Variants in BMP8B observed in about 807,000 individuals in gnomAD.
The protein encoded by BMP8B is bone morphogenetic protein 8b.
In BMP8B, 17 loss-of-function variants were observed where a neutral mutation model predicts 30.3. The ratio of observed to expected loss-of-function variants is 0.56; its 90% confidence interval spans 0.38 to 0.84. The LOEUF (loss-of-function observed/expected upper bound fraction) is 0.84, where lower values mean the gene tolerates loss of function less well. BMP8B is among the 40% of genes least tolerant of loss of function. BMP8B has a pLI of 0.00. For missense variants in BMP8B, 253 were observed against 494.6 expected, an observed-to-expected ratio of 0.51 and a Z score of 4.63; for synonymous variants, 131 against 214.7, an observed-to-expected ratio of 0.61 and a Z score of 3.41.
At chr1:39,783,164 A>G (rs1650768499) in intron 1 of BMP8B, among the ~76,000 whole-genome samples, 2 of 152,194 alleles carry the variant, frequency 1.3e-5, no homozygotes, top group Admixed American at 6.5e-5. Context: ...TAGACTCAGA[A>G]TTGAAAGCCA....
chr1:39,782,710 C>T (rs1275144150), intron 1 of BMP8B, among the ~76,000 whole-genome samples: 4 of 151,934 alleles, frequency 2.6e-5, no homozygotes, highest in East Asian at 3.9e-4. Context: ...TCAGGTGATC[C>T]GCCCCCGCTT....
chr1:39,779,941 AG>A (rs11288385), intron 1 of BMP8B, among the ~76,000 whole-genome samples: 53,666 of 152,074 alleles, frequency 0.35, 10,703 homozygotes, highest in African/African-American at 0.55. Context: ...GTCACAGTCA[AG>A]CTGTCAGCTA....
rs1215153113 is a variant in BMP8B at position 39,788,433 on chromosome 1, A to C, written c.53T>G (p.Leu18Arg). The part of the protein sequence containing the change: ...LWLLGLALCA[L>R]GGGGPGLRPP... ...TCGCAGGCCGGGGCCGCCCCCGCCC[A>C]GCGCGCATAGCGCCAGGCCCAGGAG... The change falls in exon 1 of 7, where the codon CTG (leucine) becomes CGG (arginine). Residue 18 changes from leucine to arginine, a missense_variant. By Grantham distance (102) the Leu-to-Arg change is moderately radical (BLOSUM62 -2). Around this residue, in one of 7 missense-constraint regions of BMP8B, gnomAD observed 54 missense variants for 70.8 expected, o/e 0.76. Transcript: ENST00000372827. The surrounding 1 kb of genome is among the most constrained non-coding windows in gnomAD (Gnocchi z 5.8). The C allele has an allele frequency of 4.8e-6, 5 of 1,036,032 alleles. No individual in the cohort carries two copies. The highest frequency in any genetic ancestry group is 5.8e-6 in the Non-Finnish European group (5 of 864,490). The allele number at this position is 1,036,032 out of a possible 1,614,324, so 64.2% of individuals were successfully genotyped here.
At chr1:39,771,164 C>A in intron 3 of BMP8B, 1 of 1,549,264 alleles carries the variant, frequency 6.5e-7, no homozygotes, top group Non-Finnish European at 8.8e-7. Context: ...GGTGGCAAAG[C>A]AGCGGGCGCA....
chr1:39,788,732 C>A lies in BMP8B; in HGVS notation c.-247G>T, dbSNP rs1329982988. On this transcript the variant is annotated 5_prime_UTR_variant, in exon 1 of 7. Transcript: ENST00000372827. This position sits in a 1 kb window ranked among gnomAD's most constrained non-coding sequence, Gnocchi z 5.8. ...CCGCCTCGAGGCCGGGGCTACTCTG[C>A]GGACTGGGACTCTCGGCCAATCCGT... The A allele has an allele frequency of 1.1e-5, 2 of 177,018 alleles. No homozygotes were observed. Among genetic ancestry groups the A allele is most frequent in the Non-Finnish European group, 2.2e-5 (2 of 90,986 alleles). The allele number at this position is 177,018 out of a possible 1,614,324, so 11.0% of individuals were successfully genotyped here.
At chr1:39,777,164 T>C (rs778126347) in intron 1 of BMP8B, among the ~76,000 whole-genome samples, 26 of 152,188 alleles carry the variant, frequency 1.7e-4, no homozygotes, top group Non-Finnish European at 3.1e-4. Context: ...CAAAGATGTA[T>C]TGGCAAAAAT....
At chr1:39,785,850 G>T (rs1237642744) in intron 1 of BMP8B, among the ~76,000 whole-genome samples, 4 of 152,160 alleles carry the variant, frequency 2.6e-5, no homozygotes, top group African/African-American at 4.8e-5. Flanking sequence ...ACCAGTTAAA[G>T]CTACTCTAAC....
chr1:39,760,660 C>T, intron 6 of BMP8B, 92 bp from the exon 7 acceptor site: 1 of 1,474,720 alleles, frequency 6.8e-7, no homozygotes. Flanking sequence ...CTGCTCCCTG[C>T]CCTGGCCATC....
intron 3 of BMP8B, among the ~76,000 whole-genome samples, chr1:39,768,051 G>C (rs1229487559): frequency 1.3e-5 from 2 of 151,134 alleles, no homozygotes; most frequent in East Asian, 4.0e-4. Flanking sequence ...GGCCAGGCTT[G>C]GTTGTCAACA....
In BMP8B at chr1:39,763,540, A is replaced by C. The variant is rs556263969; in HGVS notation, c.948+172T>G. Reference sequence around the variant, plus strand: ...TTTTAAAAAAAACAAAAAACTGAACAAAAAAAAAACCCTTTCTCACCATAT... The same window carrying C: ...TTTTAAAAAAAACAAAAAACTGAACCAAAAAAAAACCCTTTCTCACCATAT... On this transcript the variant is annotated intron_variant, in intron 5 of 6. Coordinates refer to ENST00000372827, the MANE Select transcript of BMP8B (RefSeq NM_001720.5). The C allele has an allele frequency of 1.6e-4, 149 of 926,264 alleles. 6 individuals are homozygous for C. The highest frequency in any genetic ancestry group is 1.2e-3 in the East Asian group (40 of 32,034). 57.4% of individuals were successfully genotyped at this position (926,264 alleles called of 1,614,324 possible).
intron 1 of BMP8B, among the ~76,000 whole-genome samples, chr1:39,776,596 C>G (rs959851730): frequency 6.6e-6 from 1 of 152,164 alleles, no homozygotes; most frequent in Non-Finnish European, 1.5e-5. Flanking sequence ...GGGATGGGGC[C>G]AGACGTGTGT....
chr1:39,763,272 C>T, intron 5 of BMP8B, 70 bp from the exon 6 acceptor site: 2 of 1,435,398 alleles, frequency 1.4e-6, no homozygotes, highest in Non-Finnish European at 1.9e-6. Context: ...CAAACCCATC[C>T]TCCAGCCCTG....
chr1:39,782,758 C>T (rs898332056), intron 1 of BMP8B, among the ~76,000 whole-genome samples: 1 of 151,140 alleles, frequency 6.6e-6, no homozygotes, highest in Admixed American at 6.6e-5. Flanking sequence ...CGTGAGCTTC[C>T]GTGCCTGGCC....
intron 1 of BMP8B, among the ~76,000 whole-genome samples, chr1:39,780,003 C>T (rs527739587): frequency 2.6e-5 from 4 of 152,324 alleles, no homozygotes; most frequent in African/African-American, 7.2e-5. Flanking sequence ...CACTTCCACG[C>T]GCTGTCTTTA....
intron 3 of BMP8B, chr1:39,770,473 A>G (rs1649880813): frequency 6.2e-7 from 1 of 1,609,966 alleles, no homozygotes; most frequent in Non-Finnish European, 8.5e-7. Flanking sequence ...AAATGTTAGG[A>G]ACGTGGATGT....
At chr1:39,762,725 G>C in intron 6 of BMP8B, 1 of 1,435,528 alleles carries the variant, frequency 7.0e-7, no homozygotes, top group East Asian at 2.5e-5. Flanking sequence ...CAGCGTACTC[G>C]GCGGCCCGTG....
intron 1 of BMP8B, among the ~76,000 whole-genome samples, chr1:39,786,777 G>T (rs1358268599): frequency 6.6e-6 from 1 of 152,196 alleles, no homozygotes; most frequent in Non-Finnish European, 1.5e-5. Flanking sequence ...AGATCCCACC[G>T]GCTAGAGTCC....
chr1:39,762,796 G>A (rs1382482356), intron 6 of BMP8B: 3 of 1,265,146 alleles, frequency 2.4e-6, no homozygotes, highest in African/African-American at 1.5e-5. Context: ...GTGCCTCTGA[G>A]CGCTGCACAC....
At chr1:39,779,757 G>T (rs112579841) in intron 1 of BMP8B, among the ~76,000 whole-genome samples, 1 of 152,216 alleles carries the variant, frequency 6.6e-6, no homozygotes, top group African/African-American at 2.4e-5. Context: ...CTGGGCACAC[G>T]TGGTACGTCC....
Sources: allele counts gnomAD v4.1 joint callset (sites outside exome capture counted in the v4.1 genomes callset), GRCh38; gene constraint gnomAD v4.1.1; regional missense constraint gnomAD v4.1.1; non-coding constraint Gnocchi (gnomAD v3.1); transcripts MANE v1.5; gene names NCBI Gene and HGNC (gene_info 2026-07-23, HGNC 2026-07-21).